Variants in PPP2R1A observed in about 807,000 individuals in gnomAD.
The protein encoded by PPP2R1A is serine/threonine-protein phosphatase 2A 65 kDa regulatory subunit A alpha isoform.
A neutral mutation model predicts 67.1 loss-of-function variants in PPP2R1A; 15 were observed. That is an observed-to-expected ratio of 0.22 (90% CI 0.15 to 0.34). The LOEUF is 0.34. Among genes scored for constraint, PPP2R1A ranks in the 10% least tolerant of loss-of-function variants. The pLI is 1.00. For missense variants in PPP2R1A, 369 were observed against 775.0 expected (o/e 0.48, Z 6.22); for synonymous variants, 337 against 325.0 (o/e 1.04, Z -0.40).
intron 3 of PPP2R1A, among the ~76,000 whole-genome samples, chr19:52,210,115 TA>T (rs1172839841): frequency 6.6e-6 from 1 of 152,178 alleles, no homozygotes; most frequent in African/African-American, 2.4e-5. Context: ...CTGCTTTAAA[TA>T]CCTGTCAGCC....
At chr19:52,197,508 C>T (rs2089507316) in intron 1 of PPP2R1A, among the ~76,000 whole-genome samples, 1 of 152,012 alleles carries the variant, frequency 6.6e-6, no homozygotes, top group Admixed American at 6.6e-5. Flanking sequence ...GGCCTCATCC[C>T]TACAAAAAGT....
rs1979297292 is a variant in PPP2R1A at position 52,226,865 on chromosome 19, T to TTCAACATGAGAAGTAC, written c.*885_*900dup. 1 of 152,246 alleles carries TTCAACATGAGAAGTAC rather than the reference T, an allele frequency of 6.6e-6. No individual in the cohort carries two copies. The highest frequency in any genetic ancestry group is 1.5e-5 in the Non-Finnish European group (1 of 68,016). The allele number at this position is 152,246 out of a possible 1,614,324, so 9.4% of individuals were successfully genotyped here. ...TAGTACCTGGAAAGTGTGTAACAGT[T>TTCAACATGAGAAGTAC]TCAACATGAGAAGTACACAACATGA... is the stretch of plus-strand genomic sequence containing the variant. On this transcript the variant is annotated 3_prime_UTR_variant, in exon 15 of 15. Coordinates refer to ENST00000322088, the MANE Select transcript of PPP2R1A (RefSeq NM_014225.6).
Position 52,212,563 on chromosome 19 carries a change from A to AG in PPP2R1A, c.504-118dup. The AG allele has an allele frequency of 8.5e-7, 1 of 1,171,268 alleles. No individual in the cohort carries two copies. Among genetic ancestry groups the AG allele is most frequent in the East Asian group, 2.6e-5 (1 of 38,910 alleles). The allele number at this position is 1,171,268 out of a possible 1,614,324, so 72.6% of individuals were successfully genotyped here. A position where few individuals can be genotyped will look rare whatever the true frequency, so the allele number is the denominator to read the frequency against. ...GTTTCATAGGGCTGGGAAGACAGAG[A>AG]GGGGGTCATCACTTGCCCAAGGTCA... On this transcript the variant is annotated intron_variant, in intron 4 of 14. Coordinates refer to ENST00000322088, the MANE Select transcript of PPP2R1A (RefSeq NM_014225.6). The surrounding 1 kb of genome is among the most constrained non-coding windows in gnomAD (Gnocchi z 4.1).
At position 52,215,859 on chromosome 19, in the gene PPP2R1A, C is replaced by G; in HGVS notation, c.888C>G (p.Ala296=). The change falls in exon 7 of 15, where the codon GCC becomes GCG. Residue 296 remains alanine (A), a synonymous_variant. Coordinates refer to ENST00000322088, the MANE Select transcript of PPP2R1A (RefSeq NM_014225.6). ...AFQNLMKDCE[A]EVRAAASHKV... is the part of the protein sequence containing the mutation. The stretch of plus-strand genomic sequence containing the variant: ...AGAACCTGATGAAAGACTGTGAGGC[C>G]GAGGTGAGGGCCGCAGCCTCCCACA... 1 of 1,614,000 alleles carries G rather than the reference C, an allele frequency of 6.2e-7. No homozygotes were observed. The highest frequency in any genetic ancestry group is 1.7e-5 in the Admixed American group (1 of 60,022).
At chr19:52,215,753 CT>C in intron 6 of PPP2R1A, 25 bp from the exon 7 acceptor site, 41 of 1,598,696 alleles carry the variant, frequency 2.6e-5, no homozygotes, top group Non-Finnish European at 3.5e-5. Context: ...CCCTCTCACT[CT>C]CCCCCTCCTC....
chr19:52,190,418 G>T (rs771202355), intron 1 of PPP2R1A: 2 of 569,400 alleles, frequency 3.5e-6, no homozygotes, highest in Non-Finnish European at 6.3e-6. Flanking sequence ...CTGTGCGCGC[G>T]GCGGTCCGCG....
rs1253068749 is a variant in PPP2R1A at position 52,222,169 on chromosome 19, G to A, written c.1589G>A (p.Gly530Glu). ...CTACCCACGGTTCTGCGCATGGCTG[G>A]GGACCCGGTTGCCAATGTCCGCTTC... ...HMLPTVLRMA[G>E]DPVANVRFNV... Residue 530 changes from glycine (G) to glutamate (E), a missense_variant, in exon 13 of 15, where the codon GGG (glycine) becomes GAG (glutamate). This residue lies in a region of PPP2R1A where 276 missense variants were observed against 508.4 expected (regional missense o/e 0.54). Transcript: ENST00000322088. 6 of 1,614,166 alleles carry A rather than the reference G, an allele frequency of 3.7e-6. No homozygotes were observed. The highest frequency in any genetic ancestry group is 1.7e-5 in the Admixed American group (1 of 60,030).
intron 1 of PPP2R1A, chr19:52,190,424 C>G (rs1600154237): frequency 7.1e-6 from 4 of 566,454 alleles, no homozygotes; most frequent in African/African-American, 3.9e-5. Flanking sequence ...GCGCGGCGGT[C>G]CGCGGTCCTG....
intron 1 of PPP2R1A, among the ~76,000 whole-genome samples, chr19:52,194,029 C>G (rs934629458): frequency 7.3e-6 from 1 of 136,294 alleles, no homozygotes; most frequent in African/African-American, 2.7e-5. Flanking sequence ...CGGAGGATTG[C>G]TTGAACCAGG....
chr19:52,221,665 A>G lies in PPP2R1A; in HGVS notation c.1519-434A>G, dbSNP rs1366901429. On this transcript the variant is annotated intron_variant, in intron 12 of 14. Transcript: ENST00000322088. Reference sequence around the variant, plus strand: ...TACACGCACAGGGCTTAGAACAGTTATGCTACAGGTAGGAAGTGCTCCTGT... The same window carrying G: ...TACACGCACAGGGCTTAGAACAGTTGTGCTACAGGTAGGAAGTGCTCCTGT... Among the ~76,000 whole-genome samples, 3 of 152,266 alleles carry G rather than the reference A, an allele frequency of 2.0e-5. No homozygotes were observed. The East Asian group carries it at 5.8e-4, about 29-fold the overall frequency.
rs187419001 is a variant in PPP2R1A at position 52,220,257 on chromosome 19, C to G, written c.1363+8C>G. ...CCTGGCTTGTGGATCATGGTGAGTA[C>G]CTTCACAGGAGCAGCAAGAGGAGAT... On this transcript the variant is annotated splice_region_variant and intron_variant, in intron 11 of 14. Coordinates refer to ENST00000322088, the MANE Select transcript of PPP2R1A (RefSeq NM_014225.6). 3.9e-4 allele frequency: 625 copies of G among 1,613,320 alleles called. 3 individuals carry two copies. In the African/African-American group the frequency reaches 7.4e-3, roughly 19 times the overall value.
At chr19:52,218,854 A>G (rs1175422572) in intron 9 of PPP2R1A, among the ~76,000 whole-genome samples, 1 of 152,186 alleles carries the variant, frequency 6.6e-6, no homozygotes. Flanking sequence ...GCTATATGGT[A>G]ATCGTGTGCT....
At chr19:52,207,198 A>G (rs920597581) in intron 3 of PPP2R1A, among the ~76,000 whole-genome samples, 3 of 152,212 alleles carry the variant, frequency 2.0e-5, no homozygotes, top group African/African-American at 7.2e-5. Context: ...AGGGCTTAAC[A>G]TGAGCATGAT....
At position 52,212,677 on chromosome 19, in the gene PPP2R1A, G is replaced by A. The variant is rs113850655; in HGVS notation, c.504-9G>A. 1.2e-5 allele frequency: 19 copies of A among 1,611,878 alleles called. 1 individual carries two copies. Among genetic ancestry groups the A allele is most frequent in the African/African-American group, 1.1e-4 (8 of 75,032 alleles). ...CTGCTGCCTCAGGATCCCCGTCCCC[G>A]ACTCCCAGGTACTTCCGGAACCTGT... On this transcript the variant is annotated splice_polypyrimidine_tract_variant and intron_variant, in intron 4 of 14. Coordinates refer to ENST00000322088, the MANE Select transcript of PPP2R1A (RefSeq NM_014225.6). This position sits in a 1 kb window ranked among gnomAD's most constrained non-coding sequence, Gnocchi z 4.1.
At chr19:52,198,474 G>A (rs1295538701) in intron 1 of PPP2R1A, among the ~76,000 whole-genome samples, 2 of 152,106 alleles carry the variant, frequency 1.3e-5, no homozygotes, top group African/African-American at 4.8e-5. Flanking sequence ...ATTTGCTGGA[G>A]CGGCTCACAG....
At chr19:52,200,215 C>A (rs1353492894) in intron 1 of PPP2R1A, 1 of 152,270 alleles carries the variant, frequency 6.6e-6, no homozygotes, top group Non-Finnish European at 1.5e-5. Flanking sequence ...CACTCTCCCC[C>A]TCATGAAAGC....
At chr19:52,206,292 A>T (rs2089601531) in intron 3 of PPP2R1A, among the ~76,000 whole-genome samples, 1 of 152,162 alleles carries the variant, frequency 6.6e-6, no homozygotes, top group Non-Finnish European at 1.5e-5. Flanking sequence ...GCCCAGTGCC[A>T]GGCCTTACCT....
chr19:52,190,196 T>C (rs1260211831), intron 1 of PPP2R1A, 22 bp downstream of exon 1: 1 of 1,549,006 alleles, frequency 6.5e-7, no homozygotes, highest in Non-Finnish European at 8.7e-7. Context: ...ACGGGGGACT[T>C]GGGGAAGACG....
intron 1 of PPP2R1A, among the ~76,000 whole-genome samples, chr19:52,192,149 G>T (rs1310824400): frequency 6.6e-6 from 1 of 152,130 alleles, no homozygotes; most frequent in South Asian, 2.1e-4. Flanking sequence ...CCTGAAAGCA[G>T]AGGGCACAGC....
Sources: allele counts gnomAD v4.1 joint callset (sites outside exome capture counted in the v4.1 genomes callset), GRCh38; gene constraint gnomAD v4.1.1; regional missense constraint gnomAD v4.1.1; non-coding constraint Gnocchi (gnomAD v3.1); transcripts MANE v1.5; gene names NCBI Gene and HGNC (gene_info 2026-07-23, HGNC 2026-07-21).